The following OXA1L variants were observed in gnomAD, a reference collection of about 807,000 sequenced individuals.
The protein encoded by OXA1L is OXA1L mitochondrial inner membrane insertase, also known as mitochondrial inner membrane protein OXA1L.
OXA1L carries 42 observed loss-of-function variants against 52.2 expected under a neutral mutation model. The ratio of observed to expected loss-of-function variants is 0.80; its 90% confidence interval spans 0.63 to 1.04. The LOEUF is 1.04. Ranked by LOEUF, OXA1L falls within the 50% of genes least tolerant of loss-of-function variation. OXA1L has a pLI of 0.00. For missense variants in OXA1L, 572 were observed against 555.0 expected, an observed-to-expected ratio of 1.03 and a Z score of -0.31; for synonymous variants, 239 against 201.9, an observed-to-expected ratio of 1.18 and a Z score of -1.56.
Position 22,770,534 on chromosome 14 carries a change from G to A in OXA1L, c.743G>A (p.Gly248Asp), listed in dbSNP as rs759832649. ...CTTCCTGTGCCCAGCCTGCAGACAGGTGGCCTCTGGTGGTTCCAGGATCTC... is the reference window on the plus strand; with the variant it reads ...CTTCCTGTGCCCAGCCTGCAGACAGATGGCCTCTGGTGGTTCCAGGATCTC... ...ANLPVPSLQT[G>D]GLWWFQDLTV... The change falls in exon 6 of 10, where the codon GGT (glycine) becomes GAT (aspartate). Residue 248 changes from glycine to aspartate, a missense_variant. Gly to Asp is a moderately conservative substitution (Grantham distance 94). Transcript: ENST00000612549. 3.7e-6 allele frequency: 6 copies of A among 1,614,134 alleles called. No individual in the cohort carries two copies. In the Admixed American group the frequency reaches 6.7e-5, roughly 18 times the overall value.
chr14:22,766,822 C>T (rs1242137758), intron 1 of OXA1L, 58 bp downstream of exon 1: 12 of 1,605,510 alleles, frequency 7.5e-6, no homozygotes, highest in Non-Finnish European at 9.3e-6. Context: ...GAACCAGGCC[C>T]CAGGACAGCT....
chr14:22,770,071 C>G, intron 4 of OXA1L, 122 bp from the exon 5 acceptor site: 2 of 1,370,922 alleles, frequency 1.5e-6, no homozygotes, highest in South Asian at 2.4e-5. Context: ...TTTCTTAGAC[C>G]TAATGCTCCC....
intron 3 of OXA1L, among the ~76,000 whole-genome samples, chr14:22,769,094 C>T (rs769595313): frequency 1.9e-4 from 29 of 151,908 alleles, no homozygotes; most frequent in Admixed American, 3.3e-4. Context: ...CTAATTTTTA[C>T]GTTCTTTATT....
chr14:22,767,735 C>T (rs911383847), intron 2 of OXA1L: 6 of 509,730 alleles, frequency 1.2e-5, no homozygotes, highest in South Asian at 1.0e-4. Flanking sequence ...AATAACTTCC[C>T]AGCATGAAGG....
intron 6 of OXA1L, 50 bp from the exon 7 acceptor site, chr14:22,770,755 C>T (rs779217664): frequency 6.4e-7 from 1 of 1,568,134 alleles, no homozygotes. Context: ...GAGACAGATT[C>T]ACTGAAACTG....
In OXA1L at chr14:22,767,390, T is replaced by C. The variant is rs1051180483; in HGVS notation, c.206T>C (p.Ile69Thr). The change falls in exon 2 of 10, where the codon ATC becomes ACC. Residue 69 changes from isoleucine (I) to threonine (T), a missense_variant. Transcript: ENST00000612549. ...SGPRSLSTSA[I>T]SFAEVQVQAP... ...CCCCGCAGCCTCAGTACCTCTGCTATCTCTTTTGCAGAAGTCCAGGTAAGA... is the reference window on the plus strand; with the variant it reads ...CCCCGCAGCCTCAGTACCTCTGCTACCTCTTTTGCAGAAGTCCAGGTAAGA... The C allele has an allele frequency of 6.2e-7, 1 of 1,609,220 alleles. No homozygotes were observed. Among genetic ancestry groups the C allele is most frequent in the Admixed American group, 1.7e-5 (1 of 58,200 alleles).
chr14:22,766,860 C>T (rs920986580), intron 1 of OXA1L, 96 bp downstream of exon 1: 2 of 1,569,864 alleles, frequency 1.3e-6, no homozygotes, highest in South Asian at 1.2e-5. Context: ...CAGACGCTGA[C>T]CTGCTCACCG....
rs1234866563 is a variant in OXA1L, at chr14:22,772,513, A to C, written c.*955A>C. The C allele has an allele frequency of 7.3e-6, 1 of 136,444 alleles. No individual in the cohort carries two copies. Among genetic ancestry groups the C allele is most frequent in the African/African-American group, 2.7e-5 (1 of 36,456 alleles). The allele number at this position is 136,444 out of a possible 1,614,324, so 8.5% of individuals were successfully genotyped here. Reference sequence around the variant, plus strand: ...CAAAAAAAAAAAAAAAAAAAAAAAAAAAAAAACAGTTTAAACTTCCAACCC... The same window carrying C: ...CAAAAAAAAAAAAAAAAAAAAAAAACAAAAAACAGTTTAAACTTCCAACCC... On this transcript the variant is annotated 3_prime_UTR_variant, in exon 10 of 10. Transcript: ENST00000612549.
chr14:22,768,784 T>C (rs1343308496), intron 3 of OXA1L: 2 of 154,190 alleles, frequency 1.3e-5, no homozygotes, highest in Admixed American at 1.3e-4. Flanking sequence ...AGTAGGTGTA[T>C]ATATTTATGG....
In OXA1L at chr14:22,771,320, G is replaced by A. The variant is rs748752125; in HGVS notation, c.1155G>A (p.Met385Ile). 9 of 1,614,222 alleles carry A rather than the reference G, an allele frequency of 5.6e-6. No individual in the cohort carries two copies. Among genetic ancestry groups the A allele is most frequent in the Non-Finnish European group, 7.6e-6 (9 of 1,180,014 alleles). ...AGCTGCGAGAGCGTGAACAACGCATGCGGAATCAGTTGGAGCTAGCAGCCA... is the reference window on the plus strand; with the variant it reads ...AGCTGCGAGAGCGTGAACAACGCATACGGAATCAGTTGGAGCTAGCAGCCA... ...TRQLREREQR[M>I]RNQLELAARG... The change falls in exon 9 of 10, where the codon ATG becomes ATA. Residue 385 changes from methionine (M) to isoleucine (I), a missense_variant. This residue lies in a region of OXA1L where 244 missense variants were observed against 240.2 expected (regional missense o/e 1.02). Transcript: ENST00000612549.
At position 22,771,536 on chromosome 14, in the gene OXA1L, CCTGG is replaced by C. The variant is rs1352555612; in HGVS notation, c.1288_1291del (p.Trp430ThrfsTer37). 1 of 1,614,158 alleles carries C rather than the reference CCTGG, an allele frequency of 6.2e-7. No individual in the cohort carries two copies. Among genetic ancestry groups the C allele is most frequent in the African/African-American group, 1.3e-5 (1 of 75,046 alleles). ...AGCAGCAAACCAAAGTCAAAGTATC[CCTGG>C]CACGACACACTTGGCTGACTTATGT... On this transcript the variant is annotated frameshift_variant, in exon 10 of 10. Transcript: ENST00000612549. LOFTEE classifies it high-confidence loss of function.
rs745601662 is a variant in OXA1L, at chr14:22,771,050, G to A, written c.972G>A (p.Leu324=). The part of the protein sequence containing the change: ...AVFMYWLSSN[L]FSLVQVSCLR... ...TTATGTACTGGCTCTCCTCCAATTT[G>A]TTTTCCCTGGTCCAAGTATCCTGTC... The change falls in exon 8 of 10, where the codon TTG becomes TTA. Residue 324 remains leucine, a synonymous_variant. Transcript: ENST00000612549. The A allele has an allele frequency of 1.2e-6, 2 of 1,614,108 alleles. No homozygotes were observed. The highest frequency in any genetic ancestry group is 1.7e-6 in the Non-Finnish European group (2 of 1,180,020).
Position 22,767,355 on chromosome 14 carries a change from G to A in OXA1L, c.171G>A (p.Ala57=). 6.2e-7 allele frequency: 1 copy of A among 1,613,782 alleles called. No homozygotes were observed. The change falls in exon 2 of 10, where the codon GCG becomes GCA. Residue 57 remains alanine (A), a synonymous_variant. Coordinates refer to ENST00000612549, the MANE Select transcript of OXA1L (RefSeq NM_005015.5). ...GTCGCCCACACTACCTCTTCCTTGC[G>A]GCTTCCGGCCCCCGCAGCCTCAGTA... ...CCCRPHYLFL[A]ASGPRSLSTS...
In OXA1L at chr14:22,770,530, A is replaced by G; in HGVS notation, c.739A>G (p.Thr247Ala). 2 of 1,614,186 alleles carry G rather than the reference A, an allele frequency of 1.2e-6. No homozygotes were observed. Among genetic ancestry groups the G allele is most frequent in the Admixed American group, 3.3e-5 (2 of 60,014 alleles). Residue 247 changes from threonine (T) to alanine (A), a missense_variant, in exon 6 of 10, where the codon ACA becomes GCA. Physicochemically the swap from Thr to Ala is moderately conservative, Grantham distance 58 (BLOSUM62 0). Transcript: ENST00000612549. ...CAACCTTCCTGTGCCCAGCCTGCAG[A>G]CAGGTGGCCTCTGGTGGTTCCAGGA... ...MANLPVPSLQ[T>A]GGLWWFQDLT...
At position 22,770,191 on chromosome 14, in the gene OXA1L, A is replaced by C; in HGVS notation, c.584-2A>C. ...AACCATTAATTTCCCCTCACCTCAC[A>C]GATTACAAGGCTTCCTCGGAGATGG... On this transcript the variant is annotated splice_acceptor_variant, in intron 4 of 9. Transcript: ENST00000612549. LOFTEE classifies it high-confidence loss of function. 1 of 1,601,946 alleles carries C rather than the reference A, an allele frequency of 6.2e-7. No homozygotes were observed. Among genetic ancestry groups the C allele is most frequent in the Non-Finnish European group, 8.6e-7 (1 of 1,168,956 alleles).
intron 3 of OXA1L, 163 bp downstream of exon 3, chr14:22,768,334 T>C (rs2038428718): frequency 1.6e-6 from 1 of 609,974 alleles, no homozygotes; most frequent in African/African-American, 1.8e-5. Flanking sequence ...TCTGCCTATA[T>C]TTCTTAAAGA....
chr14:22,772,937 C>G lies in OXA1L; in HGVS notation c.*1379C>G, dbSNP rs960004415. 2.4e-5 allele frequency: 5 copies of G among 206,716 alleles called. No homozygotes were observed. The highest frequency in any genetic ancestry group is 1.2e-4 in the African/African-American group (5 of 42,300). 12.8% of individuals were successfully genotyped at this position (206,716 alleles called of 1,614,324 possible). The stretch of plus-strand genomic sequence containing the variant: ...CCCAGGAGGTTGAGGCTGCAGTGAT[C>G]CAAGATCATGCTGCTATACTCCAGC... On this transcript the variant is annotated 3_prime_UTR_variant, in exon 10 of 10. Transcript: ENST00000612549.
chr14:22,768,617 G>T (rs1222883460), intron 3 of OXA1L: 3 of 180,600 alleles, frequency 1.7e-5, no homozygotes, highest in Non-Finnish European at 3.6e-5. Context: ...CCTCCTCACT[G>T]CCCTACCCCG....
At position 22,771,300 on chromosome 14, in the gene OXA1L, C is replaced by T. The variant is rs764198541; in HGVS notation, c.1135C>T (p.Arg379Ter). 5.8e-5 allele frequency: 94 copies of T among 1,614,052 alleles called. No individual in the cohort carries two copies. The highest frequency in any genetic ancestry group is 6.7e-5 in the East Asian group (3 of 44,892). Reference protein sequence around the residue: ...WKNAEMTRQLREREQRMRNQL... With the variant: ...WKNAEMTRQL ...AAATGCTGAAATGACGCGTCAGCTGCGAGAGCGTGAACAACGCATGCGGAA... is the reference window on the plus strand; with the variant it reads ...AAATGCTGAAATGACGCGTCAGCTGTGAGAGCGTGAACAACGCATGCGGAA... The change falls in exon 9 of 10, where the codon CGA becomes TGA. Residue 379 changes from arginine (R) to a stop codon, truncating the protein, a stop_gained. Transcript: ENST00000612549. LOFTEE classifies it high-confidence loss of function.
Sources: gnomAD v4.1 joint callset for allele counts (sites outside exome capture counted in the v4.1 genomes callset) on GRCh38, gnomAD v4.1.1 for gene constraint, gnomAD v4.1.1 regional missense constraint, MANE v1.5 for transcripts, NCBI Gene and HGNC (gene_info 2026-07-23, HGNC 2026-07-21) for gene names.